BCAS3: variants seen among roughly 807,000 people sequenced by gnomAD.
BCAS3 encodes BCAS3 microtubule associated cell migration factor, also known as BCAS4/BCAS3 fusion.
BCAS3 carries 53 observed loss-of-function variants against 116.1 expected under a neutral mutation model. That is an observed-to-expected ratio of 0.46 (90% confidence interval 0.37 to 0.57). BCAS3 has a LOEUF of 0.57. Among genes scored for constraint, BCAS3 ranks in the 20% least tolerant of loss-of-function variants. The pLI is 0.00. For synonymous variants in BCAS3, 391 were observed against 408.2 expected (o/e 0.96, Z 0.51); for missense variants, 917 against 1,165.4 (o/e 0.79, Z 3.10).
At chr17:61,311,924 G>T (rs755212699) in intron 22 of BCAS3, among the ~76,000 whole-genome samples, 1 of 151,890 alleles carries the variant, frequency 6.6e-6, no homozygotes, top group Non-Finnish European at 1.5e-5. Context: ...ATGACAGAAA[G>T]GATCTTGGCA....
At chr17:60,794,664 C>T (rs1180917836) in intron 6 of BCAS3, among the ~76,000 whole-genome samples, 1 of 152,144 alleles carries the variant, frequency 6.6e-6, no homozygotes, top group Non-Finnish European at 1.5e-5. Context: ...AAAGGGTGTC[C>T]TTTCCCCACT....
chr17:61,227,923 A>G lies in BCAS3; in HGVS notation c.2426-140404A>G, dbSNP rs2082453772. Among the ~76,000 whole-genome samples, 1 of 152,202 alleles carries G rather than the reference A, an allele frequency of 6.6e-6. No homozygotes were observed. Among genetic ancestry groups the G allele is most frequent in the Non-Finnish European group, 1.5e-5 (1 of 68,026 alleles). On this transcript the variant is annotated intron_variant, in intron 22 of 23. Transcript: ENST00000407086. The surrounding 1 kb of genome is among the most constrained non-coding windows in gnomAD (Gnocchi z 6.1). ...TGGGGTTGGCAGCACTTTTCCTATT[A>G]CTTGGGAGTGAACCCTCAGGGAAAT...
chr17:60,779,167 A>G lies in BCAS3; in HGVS notation c.404-28837A>G, dbSNP rs551629740. ...CTGTTTGAGCTTACTCTAGCTCTGG[A>G]GGCTGCCTGCTCTCCCCACCCCCAA... is the stretch of plus-strand genomic sequence containing the variant. On this transcript the variant is annotated intron_variant, in intron 6 of 23. Coordinates refer to ENST00000407086, the MANE Select transcript of BCAS3 (RefSeq NM_017679.5). Among the ~76,000 whole-genome samples, 379 of 152,184 alleles carry G rather than the reference A, an allele frequency of 2.5e-3. 1 individual carries two copies. The highest frequency in any genetic ancestry group is 4.3e-3 in the Non-Finnish European group (292 of 68,012).
At chr17:61,284,229 C>A (rs1050432184) in intron 22 of BCAS3, among the ~76,000 whole-genome samples, 1 of 152,166 alleles carries the variant, frequency 6.6e-6, no homozygotes, top group African/African-American at 2.4e-5. Flanking sequence ...CCACCTCCCC[C>A]ACCCACACCA....
At chr17:60,821,535 A>G (rs2049968039) in intron 7 of BCAS3, among the ~76,000 whole-genome samples, 1 of 152,174 alleles carries the variant, frequency 6.6e-6, no homozygotes, top group Non-Finnish European at 1.5e-5. Flanking sequence ...CTTTTCTTCA[A>G]GATAACCAAT....
At chr17:61,060,040 G>T (rs1600857550) in intron 19 of BCAS3, among the ~76,000 whole-genome samples, 1 of 152,138 alleles carries the variant, frequency 6.6e-6, no homozygotes, top group South Asian at 2.1e-4. Context: ...CAGGGGAAAA[G>T]AACTACCTCA....
At position 60,960,116 on chromosome 17, in the gene BCAS3, T is replaced by TG. The variant is rs922700136; in HGVS notation, c.1221+12769dup. On this transcript the variant is annotated intron_variant, in intron 14 of 23. Coordinates refer to ENST00000407086, the MANE Select transcript of BCAS3 (RefSeq NM_017679.5). This position sits in a 1 kb window ranked among gnomAD's most constrained non-coding sequence, Gnocchi z 4.1. ...CTTTGAGGGATGTGGACATGTCTTTTGGGGGCTATAATTCACTTCTCTGTA... is the reference window on the plus strand; with the variant it reads ...CTTTGAGGGATGTGGACATGTCTTTTGGGGGGCTATAATTCACTTCTCTGTA... Among the ~76,000 whole-genome samples the TG allele has an allele frequency of 1.3e-5, 2 of 152,192 alleles. No individual in the cohort carries two copies. The highest frequency in any genetic ancestry group is 2.4e-5 in the African/African-American group (1 of 41,448).
intron 5 of BCAS3, among the ~76,000 whole-genome samples, chr17:60,724,720 T>TAA (rs111941126): frequency 7.3e-6 from 1 of 137,656 alleles, no homozygotes. Flanking sequence ...AGACTTCCTC[T>TAA]AAAAAAAAAA....
At chr17:60,750,074 G>A (rs2042323366) in intron 6 of BCAS3, among the ~76,000 whole-genome samples, 1 of 152,064 alleles carries the variant, frequency 6.6e-6, no homozygotes, top group African/African-American at 2.4e-5. Flanking sequence ...GGGTGAAGCA[G>A]GAGAATTGTT....
At chr17:60,776,152 T>A (rs2045261907) in intron 6 of BCAS3, among the ~76,000 whole-genome samples, 1 of 152,222 alleles carries the variant, frequency 6.6e-6, no homozygotes, top group Non-Finnish European at 1.5e-5. Context: ...TTGTATAAAG[T>A]CGTGCTTCAC....
chr17:60,719,712 A>G (rs2039036079), intron 5 of BCAS3, among the ~76,000 whole-genome samples: 1 of 152,316 alleles, frequency 6.6e-6, no homozygotes, highest in East Asian at 1.9e-4. Context: ...TGTCTGTAAT[A>G]TTGATTTTGT....
In BCAS3 at chr17:61,208,941, T is replaced by C. The variant is rs2144321605; in HGVS notation, c.2425+124377T>C. Among the ~76,000 whole-genome samples the C allele has an allele frequency of 6.6e-6, 1 of 152,010 alleles. No individual in the cohort carries two copies. The highest frequency in any genetic ancestry group is 3.4e-3 in the Middle Eastern group (1 of 292). On this transcript the variant is annotated intron_variant, in intron 22 of 23. Coordinates refer to ENST00000407086, the MANE Select transcript of BCAS3 (RefSeq NM_017679.5). This position sits in a 1 kb window ranked among gnomAD's most constrained non-coding sequence, Gnocchi z 4.5. ...GCTCAGATCCTTTGGGTATTTAATG[T>C]ACAGTTTCAGCAAAAGACACTCAGA...
At position 61,347,336 on chromosome 17, in the gene BCAS3, C is replaced by A. The variant is rs1602926685; in HGVS notation, c.2426-20991C>A. Among the ~76,000 whole-genome samples, 1 of 152,202 alleles carries A rather than the reference C, an allele frequency of 6.6e-6. No homozygotes were observed. Among genetic ancestry groups the A allele is most frequent in the African/African-American group, 2.4e-5 (1 of 41,454 alleles). ...ACCTCAGGTGATCCACCCACCTCAGCCTCCCAAAGTGCTGGGATTATAGGC... is the reference window on the plus strand; with the variant it reads ...ACCTCAGGTGATCCACCCACCTCAGACTCCCAAAGTGCTGGGATTATAGGC... On this transcript the variant is annotated intron_variant, in intron 22 of 23. Coordinates refer to ENST00000407086, the MANE Select transcript of BCAS3 (RefSeq NM_017679.5). The surrounding 1 kb of genome is among the most constrained non-coding windows in gnomAD (Gnocchi z 4.3).
Position 61,077,547 on chromosome 17 carries a change from A to G in BCAS3, c.2131-786A>G, listed in dbSNP as rs1245513318. Among the ~76,000 whole-genome samples, 2 of 152,134 alleles carry G rather than the reference A, an allele frequency of 1.3e-5. No individual in the cohort carries two copies. Among genetic ancestry groups the G allele is most frequent in the African/African-American group, 4.8e-5 (2 of 41,450 alleles). On this transcript the variant is annotated intron_variant, in intron 20 of 23. Coordinates refer to ENST00000407086, the MANE Select transcript of BCAS3 (RefSeq NM_017679.5). The surrounding 1 kb of genome is among the most constrained non-coding windows in gnomAD (Gnocchi z 4.3). ...AAAAATGAAATAAAATAAATAAAAT[A>G]AAATATTGGCAACATTCCCTATCCC...
intron 7 of BCAS3, among the ~76,000 whole-genome samples, chr17:60,853,426 G>A (rs2053360272): frequency 6.6e-6 from 1 of 152,166 alleles, no homozygotes. Context: ...GAATTCAAAT[G>A]CTAGTGTTTA....
chr17:61,099,420 A>T (rs191495473), intron 22 of BCAS3, among the ~76,000 whole-genome samples: 1 of 152,184 alleles, frequency 6.6e-6, no homozygotes, highest in East Asian at 1.9e-4. Flanking sequence ...ATATCATAAC[A>T]TGATTACAAG....
At chr17:61,060,996 C>T (rs1039654955) in intron 19 of BCAS3, among the ~76,000 whole-genome samples, 1 of 152,194 alleles carries the variant, frequency 6.6e-6, no homozygotes, top group Non-Finnish European at 1.5e-5. Context: ...AAAGAAAACC[C>T]TGCAGTAGTT....
chr17:60,877,153 T>C (rs2055684955), intron 9 of BCAS3, among the ~76,000 whole-genome samples: 1 of 150,132 alleles, frequency 6.7e-6, no homozygotes, highest in African/African-American at 2.5e-5. Context: ...TAAAAGTAAG[T>C]GGTGAATATT....
rs1400870352 is a variant in BCAS3 at position 61,034,434 on chromosome 17, A to G, written c.1638-232A>G. Among the ~76,000 whole-genome samples the G allele has an allele frequency of 6.6e-6, 1 of 152,190 alleles. No individual in the cohort carries two copies. Among genetic ancestry groups the G allele is most frequent in the Non-Finnish European group, 1.5e-5 (1 of 68,012 alleles). On this transcript the variant is annotated intron_variant, in intron 16 of 23. Coordinates refer to ENST00000407086, the MANE Select transcript of BCAS3 (RefSeq NM_017679.5). This position sits in a 1 kb window ranked among gnomAD's most constrained non-coding sequence, Gnocchi z 5.0. The stretch of plus-strand genomic sequence containing the variant: ...CAGCACATACTTCAAAAAGGAGTTG[A>G]TTTTTATTGGTCTTATAAATGTTGC...
Sources: allele counts gnomAD v4.1 joint callset (sites outside exome capture counted in the v4.1 genomes callset), GRCh38; gene constraint gnomAD v4.1.1; non-coding constraint Gnocchi (gnomAD v3.1); transcripts MANE v1.5; gene names NCBI Gene and HGNC (gene_info 2026-07-23, HGNC 2026-07-21).